RAP1GAP2: variants seen among roughly 807,000 people sequenced by gnomAD.
The protein encoded by RAP1GAP2 is RAP1 GTPase activating protein 2.
RAP1GAP2 carries 27 observed loss-of-function variants against 95.0 expected under a neutral mutation model. The ratio of observed to expected loss-of-function variants is 0.28; its 90% CI spans 0.21 to 0.39. RAP1GAP2 has a LOEUF of 0.39. RAP1GAP2 is among the 10% of genes least tolerant of loss of function. The pLI is 1.00. For synonymous variants in RAP1GAP2, 373 were observed against 380.9 expected (o/e 0.98, Z 0.24); for missense variants, 771 against 970.0 (o/e 0.79, Z 2.72).
intron 3 of RAP1GAP2, among the ~76,000 whole-genome samples, chr17:2,931,280 T>TTGTGTG (rs34690298): frequency 0.05 from 7,321 of 146,628 alleles, 451 homozygotes; most frequent in African/African-American, 0.14. Context: ...TGAGTGTTTC[T>TTGTGTG]TGTGTGTGTG....
At chr17:2,880,624 C>T (rs1248063639) in intron 2 of RAP1GAP2, among the ~76,000 whole-genome samples, 5 of 151,942 alleles carry the variant, frequency 3.3e-5, no homozygotes, top group South Asian at 4.2e-4. Flanking sequence ...ATCCATTAGC[C>T]GTCACTCCCA....
intron 3 of RAP1GAP2, among the ~76,000 whole-genome samples, chr17:2,920,185 T>A (rs2042711699): frequency 1.3e-5 from 2 of 152,128 alleles, no homozygotes; most frequent in African/African-American, 4.8e-5. Flanking sequence ...TAAAAAAAAT[T>A]TTTTTTAATT....
intron 3 of RAP1GAP2, among the ~76,000 whole-genome samples, chr17:2,905,996 C>T (rs929856023): frequency 2.0e-5 from 3 of 152,184 alleles, no homozygotes; most frequent in Admixed American, 6.5e-5. Flanking sequence ...TCCGACGCCT[C>T]GGCAGGATGG....
intron 2 of RAP1GAP2, among the ~76,000 whole-genome samples, chr17:2,851,484 T>C (rs1298776452): frequency 1.3e-5 from 2 of 151,904 alleles, no homozygotes; most frequent in Non-Finnish European, 2.9e-5. Flanking sequence ...AGAGGGGAAA[T>C]TGCTGTTTAT....
chr17:2,864,810 C>T (rs2072557102), intron 2 of RAP1GAP2, among the ~76,000 whole-genome samples: 1 of 152,170 alleles, frequency 6.6e-6, no homozygotes. Context: ...AAGTATTCCT[C>T]CTCCCTCCCC....
chr17:2,785,071 G>A (rs532081288), intron 1 of RAP1GAP2, among the ~76,000 whole-genome samples: 1 of 152,338 alleles, frequency 6.6e-6, no homozygotes, highest in African/African-American at 2.4e-5. Context: ...TCGCTTGCTG[G>A]CCTCAGGGAG....
intron 2 of RAP1GAP2, among the ~76,000 whole-genome samples, chr17:2,806,152 A>G (rs1170366429): frequency 5.9e-5 from 9 of 152,154 alleles, no homozygotes; most frequent in Admixed American, 5.9e-4. Flanking sequence ...TGGTTTGGCC[A>G]GAAGATACCA....
chr17:2,888,445 G>C (rs1383940038), intron 2 of RAP1GAP2, among the ~76,000 whole-genome samples: 1 of 152,034 alleles, frequency 6.6e-6, no homozygotes, highest in Non-Finnish European at 1.5e-5. Flanking sequence ...AGCCTCTGCT[G>C]ACCACTATTC....
intron 3 of RAP1GAP2, among the ~76,000 whole-genome samples, chr17:2,923,465 A>G (rs2042859242): frequency 6.6e-6 from 1 of 150,670 alleles, no homozygotes. Context: ...AGTAGCTGGG[A>G]TTACAGACGC....
At chr17:2,960,286 C>T (rs1444235798) in intron 4 of RAP1GAP2, among the ~76,000 whole-genome samples, 2 of 152,220 alleles carry the variant, frequency 1.3e-5, no homozygotes, top group East Asian at 3.9e-4. Context: ...GCCCTCGGGG[C>T]TGTTCCCAGA....
intron 4 of RAP1GAP2, chr17:2,962,431 T>C: frequency 2.0e-6 from 1 of 498,854 alleles, no homozygotes; most frequent in Non-Finnish European, 3.5e-6. Flanking sequence ...GTGGCAGTGT[T>C]GGGATTTGAA....
intron 16 of RAP1GAP2, among the ~76,000 whole-genome samples, chr17:3,006,639 T>C (rs189356301): frequency 5.9e-5 from 9 of 151,622 alleles, no homozygotes; most frequent in Admixed American, 1.3e-4. Context: ...TTTGCCATGT[T>C]AGCCAGGATG....
At position 2,935,559 on chromosome 17, in the gene RAP1GAP2, CAGAT is replaced by C. The variant is rs377346134; in HGVS notation, c.166-22196_166-22193del. On this transcript the variant is annotated intron_variant, in intron 3 of 24. Coordinates refer to ENST00000254695, the MANE Select transcript of RAP1GAP2 (RefSeq NM_015085.5). ...CCCACATCTTTAGTCAAGGGTCTGA[CAGAT>C]AGAGTGAGAGATCAATAAATGTCAC... 9.9e-5 allele frequency among the ~76,000 whole-genome samples: 15 copies of C among 152,242 alleles called. No homozygotes were observed. The South Asian group carries it at 2.3e-3, about 23-fold the overall frequency.
intron 17 of RAP1GAP2, among the ~76,000 whole-genome samples, chr17:3,012,563 A>G (rs565086497): frequency 1.6e-5 from 2 of 128,918 alleles, no homozygotes; most frequent in Non-Finnish European, 3.1e-5. Flanking sequence ...GGTTGCAGTG[A>G]GCTGAGATTG....
upstream of RAP1GAP2, among the ~76,000 whole-genome samples, chr17:2,776,826 AG>A (rs1157607012): frequency 1.3e-4 from 7 of 54,422 alleles, no homozygotes; most frequent in African/African-American, 5.9e-4. Flanking sequence ...GCCGCCCCGG[AG>A]GAGGAGGAGG....
chr17:2,887,471 T>C (rs2073541051), intron 2 of RAP1GAP2, among the ~76,000 whole-genome samples: 1 of 151,736 alleles, frequency 6.6e-6, no homozygotes. Flanking sequence ...ACCTCCTGGG[T>C]TCAAGCGATT....
At chr17:2,952,029 G>A (rs2151459612) in intron 3 of RAP1GAP2, among the ~76,000 whole-genome samples, 1 of 108,080 alleles carries the variant, frequency 9.3e-6, no homozygotes, top group African/African-American at 3.2e-5. Context: ...GTGAGACTGT[G>A]TCTCAGAAAA....
intron 2 of RAP1GAP2, among the ~76,000 whole-genome samples, chr17:2,834,442 T>G (rs1178112347): frequency 1.3e-5 from 2 of 152,150 alleles, no homozygotes; most frequent in African/African-American, 4.8e-5. Context: ...GGGAAGAGGA[T>G]TGACCTTGGA....
rs577443326 is a variant in RAP1GAP2, at chr17:2,994,738, G to C, written c.915-599G>C. ...TTTGTCTGGGATTGTGGATGGATGC[G>C]CTTCCTTCCCATATAACCAGCAAGT... On this transcript the variant is annotated intron_variant, in intron 12 of 24. Coordinates refer to ENST00000254695, the MANE Select transcript of RAP1GAP2 (RefSeq NM_015085.5). Among the ~76,000 whole-genome samples the C allele has an allele frequency of 3.9e-5, 6 of 152,332 alleles. No individual in the cohort carries two copies. In the South Asian group the frequency reaches 8.3e-4, roughly 21 times the overall value.
Sources: gnomAD v4.1 joint callset for allele counts (sites outside exome capture counted in the v4.1 genomes callset) on GRCh38, gnomAD v4.1.1 for gene constraint, MANE v1.5 for transcripts, NCBI Gene and HGNC (gene_info 2026-07-23, HGNC 2026-07-21) for gene names.